Variants in RIMS1 observed in about 807,000 individuals in gnomAD.
RIMS1 encodes regulating synaptic membrane exocytosis 1, also known as regulating synaptic membrane exocytosis protein 1.
In RIMS1, 83 loss-of-function variants were observed where a neutral mutation model predicts 214.1. That is an observed-to-expected ratio of 0.39 (90% CI 0.32 to 0.47). The LOEUF is 0.47. Ranked by LOEUF, RIMS1 falls within the 20% of genes least tolerant of loss-of-function variation. RIMS1 has a pLI of 0.99. For missense variants in RIMS1, 2,050 were observed against 2,161.8 expected (o/e 0.95, Z 1.03); for synonymous variants, 793 against 786.8 (o/e 1.01, Z -0.13).
chr6:72,181,043 G>C (rs968247791), intron 5 of RIMS1, among the ~76,000 whole-genome samples: 1 of 152,160 alleles, frequency 6.6e-6, no homozygotes, highest in Non-Finnish European at 1.5e-5. Flanking sequence ...CACTGTGCCA[G>C]GAACCAGAGG....
At chr6:72,013,820 A>G (rs181701004) in intron 2 of RIMS1, among the ~76,000 whole-genome samples, 132 of 152,332 alleles carry the variant, frequency 8.7e-4, no homozygotes, top group Non-Finnish European at 1.5e-3. Flanking sequence ...CTTCACCACT[A>G]TGTAATTGCA....
intron 22 of RIMS1, among the ~76,000 whole-genome samples, chr6:72,270,685 A>G (rs2082612220): frequency 1.3e-5 from 2 of 152,210 alleles, no homozygotes; most frequent in African/African-American, 4.8e-5. Flanking sequence ...CTTCTGCTAC[A>G]GGGTCAGGCC....
chr6:72,188,347 G>A (rs535997902), intron 6 of RIMS1, among the ~76,000 whole-genome samples: 3 of 152,198 alleles, frequency 2.0e-5, no homozygotes, highest in South Asian at 4.1e-4. Context: ...TAATTATGCC[G>A]AACATAATAC....
intron 29 of RIMS1, among the ~76,000 whole-genome samples, chr6:72,345,051 A>G (rs2097212986): frequency 1.3e-5 from 2 of 151,774 alleles, no homozygotes; most frequent in Non-Finnish European, 2.9e-5. Flanking sequence ...CTATACTAAG[A>G]TGATTGTTAA....
At chr6:72,262,019 C>T (rs2078256138) in intron 19 of RIMS1, 2 of 984,640 alleles carry the variant, frequency 2.0e-6, no homozygotes, top group Non-Finnish European at 2.4e-6. Context: ...TCACACTCCT[C>T]TTGATGTGAC....
intron 1 of RIMS1, among the ~76,000 whole-genome samples, chr6:71,926,718 A>C (rs1781682160): frequency 6.6e-6 from 1 of 152,190 alleles, no homozygotes; most frequent in South Asian, 2.1e-4. Flanking sequence ...AACACTTCTA[A>C]GTGTTTAACT....
At chr6:72,091,237 A>G (rs572853892) in intron 2 of RIMS1, among the ~76,000 whole-genome samples, 1 of 152,326 alleles carries the variant, frequency 6.6e-6, no homozygotes, top group East Asian at 1.9e-4. Flanking sequence ...CTTTAAAACA[A>G]TAGCTTCCAT....
chr6:72,260,743 G>A lies in RIMS1; in HGVS notation c.3092G>A (p.Ser1031Asn). The A allele has an allele frequency of 6.2e-7, 1 of 1,612,456 alleles. No individual in the cohort carries two copies. The highest frequency in any genetic ancestry group is 8.5e-7 in the Non-Finnish European group (1 of 1,178,912). ...CTGCCCAGAGCAAAACGAGGACGAA[G>A]TGCAGAATGCCTACATACTACCAGG... ...LMLPRAKRGR[S>N]AECLHTTRHL... The change falls in exon 19 of 34, where the codon AGT (serine) becomes AAT (asparagine). Residue 1031 changes from serine (S) to asparagine (N), a missense_variant. Coordinates refer to ENST00000521978, the MANE Select transcript of RIMS1 (RefSeq NM_014989.7).
At chr6:72,100,283 G>A (rs9293862) in intron 4 of RIMS1, among the ~76,000 whole-genome samples, 79,653 of 151,766 alleles carry the variant, frequency 0.52, 21,859 homozygotes, top group Non-Finnish European at 0.61. Flanking sequence ...TATTCCAACT[G>A]CTTTCAGAAA....
chr6:72,258,877 C>A, intron 17 of RIMS1, 109 bp from the exon 18 acceptor site: 3 of 1,026,576 alleles, frequency 2.9e-6, no homozygotes, highest in Non-Finnish European at 4.5e-6. Context: ...GATGCAAATA[C>A]TTTTCAGTGT....
chr6:71,987,984 A>C (rs1421311093), intron 2 of RIMS1, among the ~76,000 whole-genome samples: 2 of 152,158 alleles, frequency 1.3e-5, no homozygotes, highest in Non-Finnish European at 2.9e-5. Context: ...GGAGTTTCTA[A>C]GGAAAGTAAG....
At chr6:72,081,231 C>T (rs914467730) in intron 2 of RIMS1, among the ~76,000 whole-genome samples, 3 of 151,972 alleles carry the variant, frequency 2.0e-5, no homozygotes, top group Non-Finnish European at 4.4e-5. Context: ...AGGAAATGAC[C>T]AAAAATAGAT....
intron 4 of RIMS1, among the ~76,000 whole-genome samples, chr6:72,101,119 G>C (rs1031462835): frequency 1.3e-5 from 2 of 151,906 alleles, no homozygotes; most frequent in African/African-American, 4.8e-5. Flanking sequence ...AATAATGCTG[G>C]TGTTTAGGCA....
chr6:72,217,672 C>A (rs1052717094), intron 6 of RIMS1, among the ~76,000 whole-genome samples: 1 of 152,094 alleles, frequency 6.6e-6, no homozygotes, highest in Admixed American at 6.5e-5. Context: ...TTGTTCTTTT[C>A]AAGTGTTTAG....
chr6:72,272,316 G>A (rs190600987), intron 22 of RIMS1, among the ~76,000 whole-genome samples: 1 of 152,260 alleles, frequency 6.6e-6, no homozygotes, highest in Admixed American at 6.5e-5. Context: ...AAATATGCTA[G>A]TATATTTAAA....
chr6:71,944,037 TATC>T (rs911687655), intron 1 of RIMS1, among the ~76,000 whole-genome samples: 6 of 152,338 alleles, frequency 3.9e-5, no homozygotes, highest in African/African-American at 1.4e-4. Flanking sequence ...TCTTGAAACA[TATC>T]ATGCCTACAT....
chr6:71,891,924 C>T (rs769056493), intron 1 of RIMS1, among the ~76,000 whole-genome samples: 7 of 152,054 alleles, frequency 4.6e-5, no homozygotes, highest in South Asian at 2.1e-4. Context: ...TATTATTATC[C>T]GCCCATACCT....
intron 29 of RIMS1, among the ~76,000 whole-genome samples, chr6:72,374,338 T>C (rs943307952): frequency 1.3e-5 from 2 of 152,228 alleles, no homozygotes; most frequent in African/African-American, 4.8e-5. Context: ...TTAGTACCTA[T>C]TCTAACCACA....
intron 1 of RIMS1, among the ~76,000 whole-genome samples, chr6:71,916,246 G>A (rs1000267173): frequency 1.3e-5 from 2 of 152,092 alleles, no homozygotes; most frequent in Non-Finnish European, 2.9e-5. Flanking sequence ...GAAAAAGCTG[G>A]AATGAGCTCC....
Sources: gnomAD v4.1 joint callset for allele counts (sites outside exome capture counted in the v4.1 genomes callset) on GRCh38, gnomAD v4.1.1 for gene constraint, MANE v1.5 for transcripts, NCBI Gene and HGNC (gene_info 2026-07-23, HGNC 2026-07-21) for gene names.